KAT6B: variants seen among roughly 807,000 people sequenced by gnomAD.
The protein encoded by KAT6B is lysine acetyltransferase 6B, also known as histone acetyltransferase KAT6B.
A neutral mutation model predicts 187.5 loss-of-function variants in KAT6B; 10 were observed. The observed-to-expected ratio is 0.05, with a 90% CI of 0.03 to 0.09. The LOEUF is 0.09. KAT6B is among the 10% of genes least tolerant of loss of function. The pLI, the probability that KAT6B is intolerant of heterozygous loss-of-function variation, is 1.00. For missense variants in KAT6B, 1,952 were observed against 2,558.9 expected (o/e 0.76, Z 5.12); for synonymous variants, 861 against 926.8 (o/e 0.93, Z 1.29).
chr10:74,826,190 A>G (rs1403319381), upstream of KAT6B, among the ~76,000 whole-genome samples: 1 of 151,938 alleles, frequency 6.6e-6, no homozygotes, highest in Non-Finnish European at 1.5e-5. Context: ...CGTCGTCTGC[A>G]GCCAATAAGG....
chr10:74,941,997 A>G (rs1210244751), intron 3 of KAT6B, among the ~76,000 whole-genome samples: 5 of 152,092 alleles, frequency 3.3e-5, no homozygotes, highest in Non-Finnish European at 5.9e-5. Context: ...TAAAAATACA[A>G]AAATTAGCCA....
At chr10:74,967,613 G>A (rs1294442381) in intron 4 of KAT6B, among the ~76,000 whole-genome samples, 2 of 152,156 alleles carry the variant, frequency 1.3e-5, no homozygotes, top group Non-Finnish European at 1.5e-5. Flanking sequence ...GCTAAATAAA[G>A]GTAAGATTGC....
chr10:74,847,509 A>G (rs929612377), intron 3 of KAT6B, among the ~76,000 whole-genome samples: 7 of 152,010 alleles, frequency 4.6e-5, no homozygotes, highest in Admixed American at 6.6e-5. Context: ...TTAAAAAAAT[A>G]CAAAAGTAGC....
At chr10:74,876,193 G>T (rs1000154223) in intron 3 of KAT6B, among the ~76,000 whole-genome samples, 4 of 152,278 alleles carry the variant, frequency 2.6e-5, no homozygotes, top group Admixed American at 1.3e-4. Context: ...AATTGTAAAT[G>T]TATCACCCCC....
At chr10:74,940,285 T>G (rs1564576520) in intron 3 of KAT6B, among the ~76,000 whole-genome samples, 1 of 151,924 alleles carries the variant, frequency 6.6e-6, no homozygotes, top group Non-Finnish European at 1.5e-5. Flanking sequence ...CCCCTTTTTT[T>G]TTTTTTTTGA....
At chr10:74,932,610 G>A (rs141719353) in intron 3 of KAT6B, among the ~76,000 whole-genome samples, 13 of 152,324 alleles carry the variant, frequency 8.5e-5, no homozygotes, top group African/African-American at 3.1e-4. Context: ...TAAATGGGAA[G>A]TCTTGGGAGG....
intron 3 of KAT6B, among the ~76,000 whole-genome samples, chr10:74,901,634 A>G (rs1208477314): frequency 2.6e-5 from 4 of 152,162 alleles, no homozygotes; most frequent in Non-Finnish European, 5.9e-5. Flanking sequence ...AAACAGTTGT[A>G]ATTTAATAAG....
intron 3 of KAT6B, among the ~76,000 whole-genome samples, chr10:74,901,729 A>G (rs1455343922): frequency 6.6e-6 from 1 of 152,150 alleles, no homozygotes; most frequent in Non-Finnish European, 1.5e-5. Context: ...CTGGGGTTGG[A>G]GAGATTCAGA....
chr10:74,941,171 G>A (rs540681838), intron 3 of KAT6B, among the ~76,000 whole-genome samples: 5 of 152,128 alleles, frequency 3.3e-5, no homozygotes, highest in East Asian at 1.9e-4. Flanking sequence ...CTGTGCACCC[G>A]CACCCCCAGA....
chr10:74,988,923 C>G, intron 12 of KAT6B, 96 bp from the exon 13 acceptor site: 1 of 843,736 alleles, frequency 1.2e-6, no homozygotes. Flanking sequence ...CATTGGCTTT[C>G]TTTAGTGGAC....
chr10:75,016,115 G>C (rs1844961070), intron 13 of KAT6B, among the ~76,000 whole-genome samples: 1 of 152,190 alleles, frequency 6.6e-6, no homozygotes, highest in Non-Finnish European at 1.5e-5. Context: ...GGGAATTTGG[G>C]TCTGCAAAAA....
chr10:74,865,484 T>C (rs1843489989), intron 3 of KAT6B, among the ~76,000 whole-genome samples: 1 of 152,092 alleles, frequency 6.6e-6, no homozygotes. Context: ...TCACAATTTT[T>C]ACCAGTTTTA....
At chr10:74,919,010 G>T (rs1847916245) in intron 3 of KAT6B, among the ~76,000 whole-genome samples, 1 of 151,966 alleles carries the variant, frequency 6.6e-6, no homozygotes, top group African/African-American at 2.4e-5. Context: ...CAGAGGTCAG[G>T]AGTTCAAGAC....
At chr10:74,843,542 T>C (rs1841895306) in intron 3 of KAT6B, 64 bp downstream of exon 3, 4 of 1,590,006 alleles carry the variant, frequency 2.5e-6, no homozygotes, top group Non-Finnish European at 3.4e-6. Flanking sequence ...CGGTTTCACT[T>C]AAGTTTTATG....
chr10:74,985,460 A>G (rs1842750200), intron 12 of KAT6B, among the ~76,000 whole-genome samples: 1 of 152,228 alleles, frequency 6.6e-6, no homozygotes, highest in Non-Finnish European at 1.5e-5. Context: ...TGCCGCCTTG[A>G]TGACACTCTA....
intron 3 of KAT6B, among the ~76,000 whole-genome samples, chr10:74,892,622 T>G (rs929934063): frequency 6.6e-6 from 1 of 152,128 alleles, no homozygotes; most frequent in African/African-American, 2.4e-5. Context: ...GGTAGGGAGC[T>G]CTTGCCTGGG....
chr10:74,968,290 G>C (rs1841613883), intron 4 of KAT6B, among the ~76,000 whole-genome samples: 1 of 152,108 alleles, frequency 6.6e-6, no homozygotes, highest in African/African-American at 2.4e-5. Flanking sequence ...AGTGTCACAG[G>C]TTAAATGCAT....
intron 11 of KAT6B, 50 bp downstream of exon 11, chr10:74,981,978 T>A: frequency 6.5e-7 from 1 of 1,533,246 alleles, no homozygotes; most frequent in Non-Finnish European, 9.0e-7. Flanking sequence ...CTAGTACTCC[T>A]AATTGTTGAC....
chr10:75,001,765 A>T (rs1843848393), intron 13 of KAT6B, among the ~76,000 whole-genome samples: 1 of 152,174 alleles, frequency 6.6e-6, no homozygotes, highest in Non-Finnish European at 1.5e-5. Flanking sequence ...TAAATGTTTG[A>T]TACCCACTGG....
Sources: gnomAD v4.1 joint callset for allele counts (sites outside exome capture counted in the v4.1 genomes callset) on GRCh38, gnomAD v4.1.1 for gene constraint, MANE v1.5 for transcripts, NCBI Gene and HGNC (gene_info 2026-07-23, HGNC 2026-07-21) for gene names.